LAMA3: variants seen among roughly 807,000 people sequenced by gnomAD.
LAMA3 encodes laminin subunit alpha 3, also known as laminin subunit alpha-3.
Under a neutral mutation model 402.0 loss-of-function variants are expected in LAMA3, and 281 were observed. That is an observed-to-expected ratio of 0.70 (90% CI 0.63 to 0.77). The LOEUF (loss-of-function observed/expected upper bound fraction) is 0.77, where lower values mean the gene tolerates loss of function less well. Ranked by LOEUF, LAMA3 falls within the 30% of genes least tolerant of loss-of-function variation. The pLI, the probability that LAMA3 is intolerant of heterozygous loss-of-function variation, is 0.00. For missense variants in LAMA3, 3,840 were observed against 4,215.5 expected (o/e 0.91, Z 2.47); for synonymous variants, 1,431 against 1,558.4 (o/e 0.92, Z 1.93).
At chr18:23,845,289 C>T (rs961049039) in intron 30 of LAMA3, among the ~76,000 whole-genome samples, 165 bp downstream of exon 30, 3 of 152,206 alleles carry the variant, frequency 2.0e-5, no homozygotes, top group African/African-American at 7.2e-5. Context: ...TCCACACCAA[C>T]CCTCGCATGA....
Position 23,899,035 on chromosome 18 carries a change from A to T in LAMA3, c.5806A>T (p.Lys1936Ter). The change falls in exon 46 of 75, where the codon AAG becomes TAG. Residue 1936 changes from lysine (K) to a stop codon, truncating the protein, a stop_gained. Transcript: ENST00000313654. LOFTEE classifies it high-confidence loss of function. ...ATQSAKELDV[K>*]IKNVIRNVHI... ...ACAAAGCGCAAAAGAACTGGATGTG[A>T]AGATTAAAAATGTCATCCGGAATGT... 1 of 1,613,926 alleles carries T rather than the reference A, an allele frequency of 6.2e-7. No individual in the cohort carries two copies. The highest frequency in any genetic ancestry group is 8.5e-7 in the Non-Finnish European group (1 of 1,179,814).
At chr18:23,916,921 A>G (rs903503004) in intron 60 of LAMA3, among the ~76,000 whole-genome samples, 4 of 149,446 alleles carry the variant, frequency 2.7e-5, no homozygotes, top group Admixed American at 1.3e-4. Flanking sequence ...GGTTTGTTAT[A>G]TAGGTAAATC....
In LAMA3 at chr18:23,954,815, C is replaced by A; in HGVS notation, c.*167C>A. On this transcript the variant is annotated 3_prime_UTR_variant, in exon 75 of 75. Transcript: ENST00000313654. ...CATGGATACCCATCACTTTGGCATT[C>A]AGTGCTACATGTGTATTTTATATAA... is the stretch of plus-strand genomic sequence containing the variant. The A allele has an allele frequency of 1.4e-6, 1 of 711,988 alleles. No homozygotes were observed. The highest frequency in any genetic ancestry group is 2.5e-6 in the Non-Finnish European group (1 of 398,748). The allele number at this position is 711,988 out of a possible 1,614,324, so 44.1% of individuals were successfully genotyped here.
chr18:23,842,121 C>T (rs1167841351), intron 27 of LAMA3, among the ~76,000 whole-genome samples: 1 of 152,162 alleles, frequency 6.6e-6, no homozygotes, highest in Non-Finnish European at 1.5e-5. Flanking sequence ...ATTATACCCC[C>T]TCCAACATGT....
intron 2 of LAMA3, among the ~76,000 whole-genome samples, chr18:23,737,060 G>C (rs1280285856): frequency 6.6e-6 from 1 of 151,978 alleles, no homozygotes; most frequent in African/African-American, 2.4e-5. Flanking sequence ...GGGCAGAGTA[G>C]GATATGTTGC....
At chr18:23,847,315 G>T in intron 31 of LAMA3, 149 bp from the exon 32 acceptor site, 1 of 800,146 alleles carries the variant, frequency 1.2e-6, no homozygotes, top group Non-Finnish European at 2.1e-6. Flanking sequence ...TGGTGTGGTT[G>T]GTCTTGACTC....
At chr18:23,865,438 A>G (rs992031798) in intron 36 of LAMA3, among the ~76,000 whole-genome samples, 5 of 152,232 alleles carry the variant, frequency 3.3e-5, no homozygotes, top group African/African-American at 1.2e-4. Context: ...GTCCAGCCAC[A>G]TATTAAGCAT....
In LAMA3 at chr18:23,954,887, G is replaced by A. The variant is rs45543834; in HGVS notation, c.*239G>A. On this transcript the variant is annotated 3_prime_UTR_variant, in exon 75 of 75. Transcript: ENST00000313654. Reference sequence around the variant, plus strand: ...AAAAAATTGTTATTCAAATTGTTATGCACAGAATGTTTTTGGTAATATTAA... The same window carrying A: ...AAAAAATTGTTATTCAAATTGTTATACACAGAATGTTTTTGGTAATATTAA... 0.019 allele frequency: 9,484 copies of A among 512,326 alleles called. 125 individuals carry two copies. Among genetic ancestry groups the A allele is most frequent in the Middle Eastern group, 0.034 (65 of 1,886 alleles). The allele number at this position is 512,326 out of a possible 1,614,324, so 31.7% of individuals were successfully genotyped here.
In LAMA3 at chr18:23,918,560, G is replaced by GT. The variant is rs1165908120; in HGVS notation, c.7923+1865_7923+1866insT. 2.0e-5 allele frequency among the ~76,000 whole-genome samples: 3 copies of GT among 152,128 alleles called. No homozygotes were observed. The highest frequency in any genetic ancestry group is 4.4e-5 in the Non-Finnish European group (3 of 68,030). ...TTTTCAAGTAGCTGAGATTCCTAGGGACCCTCTAAAATCTATTAGGTTAGA... is the reference window on the plus strand; with the variant it reads ...TTTTCAAGTAGCTGAGATTCCTAGGGTACCCTCTAAAATCTATTAGGTTAGA... On this transcript the variant is annotated intron_variant, in intron 60 of 74. Transcript: ENST00000313654. This position sits in a 1 kb window ranked among gnomAD's most constrained non-coding sequence, Gnocchi z 4.1.
rs58873998 is a variant in LAMA3, at chr18:23,695,796, C to CAAAAAAAAAAAAAAAAA, written c.294+5843_294+5859dup. Among the ~76,000 whole-genome samples, 6 of 38,638 alleles carry CAAAAAAAAAAAAAAAAA rather than the reference C, an allele frequency of 1.6e-4. 2 individuals carry two copies. Among genetic ancestry groups the CAAAAAAAAAAAAAAAAA allele is most frequent in the Non-Finnish European group, 2.1e-4 (5 of 24,372 alleles). The allele number at this position is 38,638 out of a possible 152,430, so 25.3% of individuals were successfully genotyped here. ...TGGGTGACACAGCAAGACTCCATCT[C>CAAAAAAAAAAAAAAAAA]AAAAAAAAAAAAAAAAAAAAAAAAA... On this transcript the variant is annotated intron_variant, in intron 1 of 74. Transcript: ENST00000313654.
At chr18:23,914,339 C>A in intron 56 of LAMA3, 71 bp from the exon 57 acceptor site, 1 of 1,539,982 alleles carries the variant, frequency 6.5e-7, no homozygotes, top group Non-Finnish European at 9.0e-7. Context: ...TGAAATGCAT[C>A]CTCATCCTCT....
chr18:23,813,634 C>G (rs547041593), intron 14 of LAMA3, among the ~76,000 whole-genome samples: 3 of 150,020 alleles, frequency 2.0e-5, no homozygotes, highest in African/African-American at 7.4e-5. Context: ...ACCTCCGCCT[C>G]CTGGGTCAAG....
In LAMA3 at chr18:23,871,469, T is replaced by C; in HGVS notation, c.4806T>C (p.Ser1602=). 1 of 1,613,816 alleles carries C rather than the reference T, an allele frequency of 6.2e-7. No homozygotes were observed. The highest frequency in any genetic ancestry group is 1.1e-5 in the South Asian group (1 of 91,060). ...ATGCCAGCAGCCGTGCCCCAGTGTC[T>C]AGGGAGGAGCTGATGACAGTGCTGT... ...FRHASSRAPV[S]REELMTVLSR... is the part of the protein sequence containing the mutation. Residue 1602 remains serine, a synonymous_variant, in exon 38 of 75, where the codon TCT becomes TCC. Coordinates refer to ENST00000313654, the MANE Select transcript of LAMA3 (RefSeq NM_198129.4).
intron 8 of LAMA3, among the ~76,000 whole-genome samples, chr18:23,769,799 A>G (rs762711323): frequency 6.6e-5 from 10 of 152,200 alleles, no homozygotes; most frequent in Non-Finnish European, 1.5e-4. Context: ...TGGACTAAAC[A>G]CTCCAATTCA....
intron 73 of LAMA3, among the ~76,000 whole-genome samples, 153 bp from the exon 74 acceptor site, chr18:23,952,837 A>C (rs1236670914): frequency 2.6e-5 from 4 of 152,248 alleles, no homozygotes; most frequent in Non-Finnish European, 1.5e-5. Context: ...TGGTGTTTAG[A>C]GGAAGTTAAT....
Position 23,905,583 on chromosome 18 carries a change from T to C in LAMA3, c.6677T>C (p.Leu2226Pro), listed in dbSNP as rs2081215983. ...ACCCTGAGTTCCAACAGTGATAAAC[T>C]GTTAAATGAAGCCAAGATGACACAA... ...AKTLSSNSDK[L>P]LNEAKMTQKK... Residue 2226 changes from leucine to proline, a missense_variant, in exon 52 of 75, where the codon CTG becomes CCG. Leu to Pro is a moderately conservative substitution (Grantham distance 98, BLOSUM62 -3). Coordinates refer to ENST00000313654, the MANE Select transcript of LAMA3 (RefSeq NM_198129.4). 6.2e-7 allele frequency: 1 copy of C among 1,611,866 alleles called. No homozygotes were observed. The highest frequency in any genetic ancestry group is 2.2e-5 in the East Asian group (1 of 44,818).
intron 7 of LAMA3, among the ~76,000 whole-genome samples, chr18:23,760,814 C>G (rs2061951951): frequency 6.6e-6 from 1 of 152,194 alleles, no homozygotes; most frequent in South Asian, 2.1e-4. Flanking sequence ...GAGTAAGGCA[C>G]CAGCAGATTC....
At chr18:23,943,737 G>T (rs758578939) in intron 68 of LAMA3, 51 bp from the exon 69 acceptor site, 1 of 1,569,722 alleles carries the variant, frequency 6.4e-7, no homozygotes. Context: ...GCTGAGATTC[G>T]AAGGAACGCT....
intron 1 of LAMA3, among the ~76,000 whole-genome samples, chr18:23,707,786 G>A (rs145530179): frequency 0.057 from 8,390 of 147,996 alleles, 579 homozygotes; most frequent in African/African-American, 0.16. Context: ...TTGCTCTGTC[G>A]CCCAGGATGG....
Sources: gnomAD v4.1 joint callset for allele counts (sites outside exome capture counted in the v4.1 genomes callset) on GRCh38, gnomAD v4.1.1 for gene constraint, Gnocchi (gnomAD v3.1) non-coding constraint, MANE v1.5 for transcripts, NCBI Gene and HGNC (gene_info 2026-07-23, HGNC 2026-07-21) for gene names.